Variants in IMMP2L observed in about 807,000 individuals in gnomAD.
IMMP2L encodes the protein mitochondrial inner membrane protease subunit 2.
In IMMP2L, 18 loss-of-function variants were observed where a neutral mutation model predicts 19.3. The ratio of observed to expected loss-of-function variants is 0.93; its 90% CI spans 0.64 to 1.38. The LOEUF (loss-of-function observed/expected upper bound fraction) is 1.38. Ranked by LOEUF, IMMP2L falls within the 40% of genes most tolerant of loss-of-function variation. The pLI is 0.00. For missense variants in IMMP2L, 233 were observed against 218.2 expected (o/e 1.07, Z -0.43); for synonymous variants, 76 against 73.0 (o/e 1.04, Z -0.21).
At chr7:111,330,002 A>AGAAAACC (rs1437403875) in intron 3 of IMMP2L, among the ~76,000 whole-genome samples, 3 of 151,928 alleles carry the variant, frequency 2.0e-5, no homozygotes, top group Non-Finnish European at 4.4e-5. Context: ...GCAAAACAGA[A>AGAAAACC]GAAAACCATA....
intron 5 of IMMP2L, among the ~76,000 whole-genome samples, chr7:110,698,505 A>AT (rs1437171172): frequency 6.6e-6 from 1 of 152,158 alleles, no homozygotes; most frequent in Non-Finnish European, 1.5e-5. Flanking sequence ...CGATGAGAGA[A>AT]TACCCTCCCC....
intron 3 of IMMP2L, among the ~76,000 whole-genome samples, chr7:111,066,806 C>A (rs554298939): frequency 6.6e-6 from 1 of 152,138 alleles, no homozygotes; most frequent in African/African-American, 2.4e-5. Flanking sequence ...ATATGAATTA[C>A]GGTAGGGCCT....
At chr7:111,359,382 A>C (rs1829037857) in intron 3 of IMMP2L, among the ~76,000 whole-genome samples, 2 of 151,968 alleles carry the variant, frequency 1.3e-5, no homozygotes, top group African/African-American at 4.8e-5. Flanking sequence ...GCTCACTGCA[A>C]CTTCCACCTC....
intron 5 of IMMP2L, among the ~76,000 whole-genome samples, chr7:110,799,387 T>G (rs1023812684): frequency 5.9e-5 from 9 of 152,190 alleles, no homozygotes; most frequent in Admixed American, 3.9e-4. Context: ...GCCTTTTTTC[T>G]GAAACTCAAG....
At chr7:110,957,798 T>C (rs1027685016) in intron 4 of IMMP2L, among the ~76,000 whole-genome samples, 12 of 152,098 alleles carry the variant, frequency 7.9e-5, no homozygotes, top group African/African-American at 2.4e-4. Flanking sequence ...TCTTCAAACA[T>C]CTTTTTGTTA....
At chr7:111,460,798 T>C (rs536399307) in intron 3 of IMMP2L, among the ~76,000 whole-genome samples, 3 of 152,232 alleles carry the variant, frequency 2.0e-5, no homozygotes, top group African/African-American at 7.2e-5. Context: ...TATTAATTAA[T>C]GGTCAATATA....
At chr7:111,367,206 G>A (rs764489106) in intron 3 of IMMP2L, among the ~76,000 whole-genome samples, 35 of 150,988 alleles carry the variant, frequency 2.3e-4, no homozygotes, top group Admixed American at 8.6e-4. Flanking sequence ...AAAATATTAC[G>A]TTAGGAAATA....
chr7:110,694,214 A>G (rs777685425), intron 5 of IMMP2L, among the ~76,000 whole-genome samples: 1 of 152,192 alleles, frequency 6.6e-6, no homozygotes, highest in East Asian at 1.9e-4. Flanking sequence ...ATAACATACA[A>G]GTGAATAGTT....
intron 3 of IMMP2L, among the ~76,000 whole-genome samples, chr7:111,039,617 G>C (rs1278515167): frequency 6.6e-6 from 1 of 152,086 alleles, no homozygotes; most frequent in Non-Finnish European, 1.5e-5. Flanking sequence ...TTGCATGTTA[G>C]TCCATGTAAT....
chr7:110,820,651 T>G (rs1271487421), intron 5 of IMMP2L, among the ~76,000 whole-genome samples: 1 of 151,978 alleles, frequency 6.6e-6, no homozygotes, highest in Middle Eastern at 3.2e-3. Flanking sequence ...CTTCTGACCT[T>G]TAGCAAATTT....
intron 3 of IMMP2L, among the ~76,000 whole-genome samples, chr7:110,980,476 A>G (rs1438232721): frequency 1.3e-5 from 2 of 151,720 alleles, no homozygotes; most frequent in African/African-American, 2.4e-5. Flanking sequence ...TCGGCCTCCC[A>G]GAGTGCTGGG....
chr7:111,561,332 A>G (rs1792020101), intron 1 of IMMP2L, among the ~76,000 whole-genome samples: 2 of 152,172 alleles, frequency 1.3e-5, no homozygotes, highest in South Asian at 4.1e-4. Context: ...CTTCTTCTGT[A>G]AGCTTGAGAG....
intron 5 of IMMP2L, among the ~76,000 whole-genome samples, chr7:110,849,967 T>C (rs1806034452): frequency 6.6e-6 from 1 of 152,064 alleles, no homozygotes; most frequent in African/African-American, 2.4e-5. Flanking sequence ...GTTCATAATA[T>C]AATATTTAGA....
In IMMP2L at chr7:110,989,557, T is replaced by C. The variant is rs1473848358; in HGVS notation, c.240-25992A>G. On this transcript the variant is annotated intron_variant, in intron 3 of 5. Coordinates refer to ENST00000405709, the MANE Select transcript of IMMP2L (RefSeq NM_032549.4). ...AAAAAAAAAAAAAAAAAAAAGTTAT[T>C]CTGGTGGCTATATTTGAGTATTGGT... Among the ~76,000 whole-genome samples, 4 of 151,034 alleles carry C rather than the reference T, an allele frequency of 2.6e-5. No homozygotes were observed. The East Asian group carries it at 7.8e-4, about 29-fold the overall frequency.
At chr7:110,961,792 AAC>A (rs921509280) in intron 4 of IMMP2L, among the ~76,000 whole-genome samples, 22 of 151,974 alleles carry the variant, frequency 1.4e-4, no homozygotes, top group African/African-American at 4.8e-4. Flanking sequence ...TAGCAACAGC[AAC>A]AAAAAAACAC....
intron 3 of IMMP2L, among the ~76,000 whole-genome samples, chr7:111,168,087 T>G (rs1489534947): frequency 6.6e-6 from 1 of 151,972 alleles, no homozygotes; most frequent in Non-Finnish European, 1.5e-5. Flanking sequence ...TTAAGGTCTA[T>G]AGAACACTGG....
intron 1 of IMMP2L, among the ~76,000 whole-genome samples, chr7:111,555,860 CAA>C (rs771250500): frequency 8.6e-5 from 13 of 151,342 alleles, no homozygotes; most frequent in South Asian, 2.1e-4. Context: ...CCAAATAAAA[CAA>C]GAGATAAGTG....
chr7:111,222,562 T>C (rs1275553130), intron 3 of IMMP2L, among the ~76,000 whole-genome samples: 1 of 151,692 alleles, frequency 6.6e-6, no homozygotes, highest in African/African-American at 2.4e-5. Flanking sequence ...AATATGCATA[T>C]GAAAAGATGT....
chr7:111,124,994 CAAAA>C (rs949546827), intron 3 of IMMP2L: 2 of 905,366 alleles, frequency 2.2e-6, no homozygotes, highest in Non-Finnish European at 3.3e-6. Context: ...AACAAACAAA[CAAAA>C]AAGTAAAAAA....
Sources: allele counts gnomAD v4.1 joint callset (sites outside exome capture counted in the v4.1 genomes callset), GRCh38; gene constraint gnomAD v4.1.1; transcripts MANE v1.5; gene names NCBI Gene and HGNC (gene_info 2026-07-23, HGNC 2026-07-21).